The following RHOBTB2 variants were observed in gnomAD, a reference collection of about 807,000 sequenced individuals.
The protein encoded by RHOBTB2 is rho-related BTB domain-containing protein 2.
RHOBTB2 carries 39 observed loss-of-function variants against 66.5 expected under a neutral mutation model. That is an observed-to-expected ratio of 0.59 (90% CI 0.45 to 0.77). RHOBTB2 has a LOEUF of 0.77. Ranked by LOEUF, RHOBTB2 falls within the 30% of genes least tolerant of loss-of-function variation. RHOBTB2 has a pLI of 0.00. For missense variants in RHOBTB2, 755 were observed against 999.1 expected (o/e 0.76, Z 3.29); for synonymous variants, 390 against 395.0 (o/e 0.99, Z 0.15).
In RHOBTB2 at chr8:23,002,287, G is replaced by A. The variant is rs1339382359; in HGVS notation, c.-10-2138G>A. On this transcript the variant is annotated intron_variant, in intron 1 of 9. Coordinates refer to ENST00000251822, the MANE Select transcript of RHOBTB2 (RefSeq NM_015178.3). Reference sequence around the variant, plus strand: ...CACAGCCCAGATGCTGCCTCCTGGCGCCAGCACATTCCTCAACTTGAGATC... The same window carrying A: ...CACAGCCCAGATGCTGCCTCCTGGCACCAGCACATTCCTCAACTTGAGATC... Among the ~76,000 whole-genome samples the A allele has an allele frequency of 2.6e-5, 4 of 152,200 alleles. No individual in the cohort carries two copies. The East Asian group carries it at 5.8e-4, about 22-fold the overall frequency.
At chr8:22,964,191 C>T in the RHOBTB2 span, among the ~76,000 whole-genome samples, 8 of 152,108 alleles carry the variant, frequency 5.3e-5, no homozygotes, top group African/African-American at 1.9e-4. Flanking sequence ...GAAAGACCCG[C>T]CACCATAATT....
intron 9 of RHOBTB2, among the ~76,000 whole-genome samples, chr8:23,015,981 T>TAA (rs1388677287): frequency 6.6e-6 from 1 of 152,236 alleles, no homozygotes; most frequent in Non-Finnish European, 1.5e-5. Context: ...GATACTGGAC[T>TAA]AAAGTTGGTA....
chr8:22,982,676 C>A (rs973326592), upstream of RHOBTB2, among the ~76,000 whole-genome samples: 1 of 152,182 alleles, frequency 6.6e-6, no homozygotes, highest in African/African-American at 2.4e-5. Flanking sequence ...AGCGAGACAA[C>A]GTCACAAAAA....
intron 6 of RHOBTB2, among the ~76,000 whole-genome samples, chr8:23,008,538 T>C (rs997260476): frequency 6.6e-6 from 1 of 152,146 alleles, no homozygotes; most frequent in Admixed American, 6.6e-5. Flanking sequence ...ACTGAATGCA[T>C]CACTGTTTTA....
the RHOBTB2 span, among the ~76,000 whole-genome samples, chr8:22,979,742 C>CTTTTTTTTTTTTTTTTTTTT: frequency 3.6e-5 from 3 of 84,094 alleles, no homozygotes; most frequent in Non-Finnish European, 4.8e-5. Flanking sequence ...TCTTTTCTTT[C>CTTTTTTTTTTTTTTTTTTTT]TTTTTTTTTT....
chr8:22,951,686 C>T, the RHOBTB2 span, among the ~76,000 whole-genome samples: 34 of 152,158 alleles, frequency 2.2e-4, no homozygotes, highest in Admixed American at 2.0e-3. Context: ...TACATTGATC[C>T]GTTAGGGTGG....
the RHOBTB2 span, among the ~76,000 whole-genome samples, chr8:22,973,827 G>T: frequency 6.6e-6 from 1 of 152,146 alleles, no homozygotes; most frequent in Non-Finnish European, 1.5e-5. Flanking sequence ...CTCCTTCCTG[G>T]AGGCCTCTTC....
In RHOBTB2 at chr8:23,005,377, G is replaced by A. The variant is rs771914312; in HGVS notation, c.198G>A (p.Leu66=). Residue 66 remains leucine, a synonymous_variant, in exon 3 of 10, where the codon CTG becomes CTA. Transcript: ENST00000251822. ...CTCTTCCTCCCCGTCCCCAGGTGCT[G>A]GAACGCTCCCGAGACGTGGTAGATG... The part of the protein sequence containing the change: ...IDQYRVCQEV[L]ERSRDVVDDV... 5.0e-6 allele frequency: 8 copies of A among 1,613,092 alleles called. No homozygotes were observed. Among genetic ancestry groups the A allele is most frequent in the Non-Finnish European group, 6.8e-6 (8 of 1,179,328 alleles).
chr8:23,003,027 A>T (rs562781755), intron 1 of RHOBTB2, among the ~76,000 whole-genome samples: 1 of 152,212 alleles, frequency 6.6e-6, no homozygotes, highest in South Asian at 2.1e-4. Flanking sequence ...TCTGGGCTGG[A>T]TGGCTCAGCA....
chr8:22,976,236 G>A, the RHOBTB2 span, among the ~76,000 whole-genome samples: 3 of 152,178 alleles, frequency 2.0e-5, no homozygotes, highest in African/African-American at 4.8e-5. Context: ...AAGCTGTAAA[G>A]TCCTTTATTT....
chr8:23,013,623 G>A (rs1275335957), intron 7 of RHOBTB2, among the ~76,000 whole-genome samples: 1 of 151,872 alleles, frequency 6.6e-6, no homozygotes, highest in Non-Finnish European at 1.5e-5. Flanking sequence ...AGTCGCCCGA[G>A]TAGCTGGGAT....
chr8:22,962,632 G>C, the RHOBTB2 span, among the ~76,000 whole-genome samples: 13 of 152,236 alleles, frequency 8.5e-5, no homozygotes, highest in African/African-American at 3.1e-4. Flanking sequence ...ACAATTAAAG[G>C]CTATAGATGA....
the RHOBTB2 span, among the ~76,000 whole-genome samples, chr8:22,953,540 G>T: frequency 6.6e-6 from 1 of 152,162 alleles, no homozygotes; most frequent in Non-Finnish European, 1.5e-5. Context: ...CTGCATTTTC[G>T]TTGCAATGGT....
At chr8:22,974,819 ACAGGTACTGTGCACAAT>A in the RHOBTB2 span, among the ~76,000 whole-genome samples, 1 of 152,098 alleles carries the variant, frequency 6.6e-6, no homozygotes, top group Non-Finnish European at 1.5e-5. Context: ...CTGTGCACAA[ACAGGTACTGTGCACAAT>A]CAGGTACTAC....
At position 23,008,106 on chromosome 8, in the gene RHOBTB2, C is replaced by G. The variant is rs571326568; in HGVS notation, c.1615C>G (p.Arg539Gly). Residue 539 changes from arginine to glycine, a missense_variant, in exon 6 of 10, where the codon CGG becomes GGG. Around this residue, in one of 7 missense-constraint regions of RHOBTB2, gnomAD observed 353 missense variants for 458.2 expected, o/e 0.77. Transcript: ENST00000251822. The part of the protein sequence containing the change: ...FGGPFVESST[R>G]EVVFPYTSKS... ...GGGGCCATTTGTGGAGAGCTCCACC[C>G]GGGAGGTAAGGCTGAGGACACAAAG... The G allele has an allele frequency of 5.0e-6, 8 of 1,607,660 alleles. No homozygotes were observed. Among genetic ancestry groups the G allele is most frequent in the Non-Finnish European group, 6.8e-6 (8 of 1,176,414 alleles).
chr8:22,960,472 C>T, the RHOBTB2 span, among the ~76,000 whole-genome samples: 1 of 151,856 alleles, frequency 6.6e-6, no homozygotes, highest in Non-Finnish European at 1.5e-5. Context: ...GCATGCACCA[C>T]CACGCCCGGC....
chr8:22,975,758 A>G, the RHOBTB2 span, among the ~76,000 whole-genome samples: 3 of 152,018 alleles, frequency 2.0e-5, no homozygotes, highest in African/African-American at 7.3e-5. Context: ...GAACCAGTCC[A>G]AGGGGGCCTG....
chr8:22,967,631 G>T, the RHOBTB2 span, among the ~76,000 whole-genome samples: 1 of 136,968 alleles, frequency 7.3e-6, no homozygotes, highest in Non-Finnish European at 1.6e-5. Flanking sequence ...AAAAAAAAGG[G>T]TAAATACTAT....
At chr8:22,964,939 C>T in the RHOBTB2 span, among the ~76,000 whole-genome samples, 1 of 151,928 alleles carries the variant, frequency 6.6e-6, no homozygotes, top group Admixed American at 6.6e-5. Context: ...GCCTCAGCTT[C>T]CCGAGTAGCT....
Sources: gnomAD v4.1 joint callset for allele counts (sites outside exome capture counted in the v4.1 genomes callset) on GRCh38, gnomAD v4.1.1 for gene constraint, gnomAD v4.1.1 regional missense constraint, MANE v1.5 for transcripts, NCBI Gene and HGNC (gene_info 2026-07-23, HGNC 2026-07-21) for gene names.